The following ARHGAP24 variants were observed in gnomAD, a reference collection of about 807,000 sequenced individuals.
ARHGAP24 encodes the protein Rho GTPase activating protein 24.
A neutral mutation model predicts 76.4 loss-of-function variants in ARHGAP24; 50 were observed. The ratio of observed to expected loss-of-function variants is 0.65; its 90% CI spans 0.52 to 0.83. ARHGAP24 has a LOEUF of 0.83. ARHGAP24 is among the 40% of genes least tolerant of loss of function. The pLI, the probability that ARHGAP24 is intolerant of heterozygous loss-of-function variation, is 0.00. For missense variants in ARHGAP24, 930 were observed against 914.2 expected (o/e 1.02, Z -0.22); for synonymous variants, 345 against 323.3 (o/e 1.07, Z -0.72).
intron 3 of ARHGAP24, among the ~76,000 whole-genome samples, chr4:85,881,494 A>C (rs1464698274): frequency 2.1e-4 from 32 of 152,126 alleles, no homozygotes; most frequent in Admixed American, 2.0e-3. Flanking sequence ...GATTTAATCT[A>C]ATCTGGAGTA....
At chr4:85,953,835 G>C (rs6825252) in intron 5 of ARHGAP24, among the ~76,000 whole-genome samples, 31,628 of 151,986 alleles carry the variant, frequency 0.21, 3,537 homozygotes, top group South Asian at 0.39. Flanking sequence ...AATGTGGAGG[G>C]GAGAATGAGA....
chr4:85,563,131 GTTCCCT>G (rs1726666399), intron 1 of ARHGAP24, among the ~76,000 whole-genome samples: 1 of 152,164 alleles, frequency 6.6e-6, no homozygotes, highest in South Asian at 2.1e-4. Context: ...GAAATACAAA[GTTCCCT>G]ATGAGTCAAG....
chr4:85,895,412 A>AT (rs1267836984), intron 3 of ARHGAP24, among the ~76,000 whole-genome samples: 4 of 152,278 alleles, frequency 2.6e-5, no homozygotes, highest in South Asian at 4.1e-4. Context: ...ATCCCAAAGT[A>AT]GATCACCTGG....
chr4:85,926,828 G>A (rs569600412), intron 4 of ARHGAP24, among the ~76,000 whole-genome samples: 1 of 152,242 alleles, frequency 6.6e-6, no homozygotes, highest in East Asian at 1.9e-4. Context: ...GTCACACTGT[G>A]AGAAGCAGAA....
chr4:85,971,983 A>C (rs1290900434), intron 5 of ARHGAP24, 53 bp from the exon 6 acceptor site: 1 of 1,613,242 alleles, frequency 6.2e-7, no homozygotes, highest in Admixed American at 1.7e-5. Flanking sequence ...AACAATAAAT[A>C]GAATGGTATG....
At chr4:85,848,679 C>T (rs527343249) in intron 3 of ARHGAP24, among the ~76,000 whole-genome samples, 167 of 152,238 alleles carry the variant, frequency 1.1e-3, no homozygotes, top group African/African-American at 3.8e-3. Flanking sequence ...AGCCAGTTTG[C>T]ACAACGCCAT....
intron 3 of ARHGAP24, among the ~76,000 whole-genome samples, chr4:85,890,973 G>C (rs1157638625): frequency 1.3e-5 from 2 of 152,148 alleles, no homozygotes; most frequent in Non-Finnish European, 2.9e-5. Context: ...TAAAATCAAT[G>C]TAACAGTGAG....
At chr4:85,683,110 GGGGGGGT>G (rs1450658131) in intron 2 of ARHGAP24, among the ~76,000 whole-genome samples, 2 of 95,714 alleles carry the variant, frequency 2.1e-5, no homozygotes, top group Non-Finnish European at 4.1e-5. Context: ...CTCAGTGTGT[GGGGGGGT>G]GGGGGGGGGG....
intron 8 of ARHGAP24, among the ~76,000 whole-genome samples, chr4:85,985,361 C>T (rs1739922907): frequency 1.3e-5 from 2 of 152,210 alleles, no homozygotes; most frequent in South Asian, 4.1e-4. Context: ...GGCCATTATA[C>T]TCAGCAAATT....
chr4:85,925,740 G>A (rs1198662945), intron 4 of ARHGAP24, among the ~76,000 whole-genome samples: 2 of 152,140 alleles, frequency 1.3e-5, no homozygotes, highest in East Asian at 1.9e-4. Flanking sequence ...TGAGATTTCC[G>A]GTGTCCAGTG....
At chr4:85,484,619 T>C (rs746838975) in intron 1 of ARHGAP24, among the ~76,000 whole-genome samples, 9 of 152,278 alleles carry the variant, frequency 5.9e-5, no homozygotes, top group Admixed American at 1.3e-4. Flanking sequence ...TTACTGTTTT[T>C]GTTTATGTTT....
chr4:85,879,906 A>G (rs77398451), intron 3 of ARHGAP24, among the ~76,000 whole-genome samples: 88 of 152,100 alleles, frequency 5.8e-4, no homozygotes, highest in Non-Finnish European at 1.1e-3. Flanking sequence ...AGATTCTCAT[A>G]AGGAGCAGGC....
chr4:85,484,591 C>T (rs537717203), intron 1 of ARHGAP24, among the ~76,000 whole-genome samples: 3 of 152,080 alleles, frequency 2.0e-5, no homozygotes, highest in Admixed American at 6.5e-5. Flanking sequence ...CCCCTTTGTG[C>T]GTTGTGTGTA....
chr4:85,774,409 A>G (rs1727233482), intron 3 of ARHGAP24, among the ~76,000 whole-genome samples: 1 of 152,230 alleles, frequency 6.6e-6, no homozygotes, highest in Non-Finnish European at 1.5e-5. Context: ...ATATGTTGCA[A>G]ATGCAAAGAT....
At chr4:85,879,481 A>G (rs917038498) in intron 3 of ARHGAP24, among the ~76,000 whole-genome samples, 1 of 152,146 alleles carries the variant, frequency 6.6e-6, no homozygotes, top group Non-Finnish European at 1.5e-5. Context: ...AAAATAAAAT[A>G]TTTTCAAATA....
At chr4:85,895,012 A>C (rs369090305) in intron 3 of ARHGAP24, among the ~76,000 whole-genome samples, 4 of 33,394 alleles carry the variant, frequency 1.2e-4, no homozygotes, top group African/African-American at 3.1e-4. Flanking sequence ...AAAAAAAAAA[A>C]AAAAAAAAAG....
intron 3 of ARHGAP24, among the ~76,000 whole-genome samples, chr4:85,732,779 C>T (rs1725454952): frequency 6.6e-6 from 1 of 150,928 alleles, no homozygotes; most frequent in Non-Finnish European, 1.5e-5. Flanking sequence ...CTGCAACCTC[C>T]ACCTCCCGGG....
Position 85,995,455 on chromosome 4 carries a change from CT to C in ARHGAP24, c.1804del (p.Ser602ProfsTer46). 6.2e-7 allele frequency: 1 copy of C among 1,606,520 alleles called. No individual in the cohort carries two copies. Among genetic ancestry groups the C allele is most frequent in the Non-Finnish European group, 8.5e-7 (1 of 1,175,070 alleles). ...TTTGGATGGGCCCCCGCAGGACGACCTTTCCCACCCCAGGGACTATGAAAGC... is the reference window on the plus strand; with the variant it reads ...TTTGGATGGGCCCCCGCAGGACGACCTTCCCACCCCAGGGACTATGAAAGC... ...PVLDGPPQDD[L>X]SHPRDYESKS... On this transcript the variant is annotated frameshift_variant, in exon 9 of 10. Coordinates refer to ENST00000395184, the MANE Select transcript of ARHGAP24 (RefSeq NM_001025616.3). LOFTEE classifies it high-confidence loss of function.
At chr4:85,837,382 G>A (rs991913414) in intron 3 of ARHGAP24, among the ~76,000 whole-genome samples, 1 of 152,122 alleles carries the variant, frequency 6.6e-6, no homozygotes, top group Non-Finnish European at 1.5e-5. Flanking sequence ...CATTCTTTAA[G>A]TGATTGAAAA....
Sources: gnomAD v4.1 joint callset for allele counts (sites outside exome capture counted in the v4.1 genomes callset) on GRCh38, gnomAD v4.1.1 for gene constraint, MANE v1.5 for transcripts, NCBI Gene and HGNC (gene_info 2026-07-23, HGNC 2026-07-21) for gene names.